UNC5D: variants seen among roughly 807,000 people sequenced by gnomAD.
UNC5D encodes netrin receptor UNC5D.
In UNC5D, 39 loss-of-function variants were observed where a neutral mutation model predicts 105.4. The ratio of observed to expected loss-of-function variants is 0.37; its 90% CI spans 0.29 to 0.48. The LOEUF is 0.48. UNC5D is among the 20% of genes least tolerant of loss of function. The probability of loss-of-function intolerance (pLI) is 0.98; values close to 1 mark genes in which losing one functional copy is unlikely to be tolerated. For synonymous variants in UNC5D, 452 were observed against 450.4 expected, an observed-to-expected ratio of 1.00 and a Z score of -0.04; for missense variants, 991 against 1,202.4, an observed-to-expected ratio of 0.82 and a Z score of 2.60.
At chr8:35,507,431 C>A (rs576992649) in intron 1 of UNC5D, among the ~76,000 whole-genome samples, 1 of 152,268 alleles carries the variant, frequency 6.6e-6, no homozygotes, top group African/African-American at 2.4e-5. Context: ...CCATTAGAGG[C>A]AGTTTATCTT....
At position 35,686,624 on chromosome 8, in the gene UNC5D, A is replaced by G. The variant is rs1826026803; in HGVS notation, c.999A>G (p.Thr333=). ...ECEHLRIREC[T]APPPRNGGKF... ...AACATTTGCGGATCCGGGAGTGCAC[A>G]GCACCACCCCCGAGAAATGGGGGCA... Residue 333 remains threonine (T), a synonymous_variant, in exon 7 of 17, where the codon ACA becomes ACG. Transcript: ENST00000404895. The G allele has an allele frequency of 1.2e-6, 2 of 1,608,718 alleles. No homozygotes were observed. Among genetic ancestry groups the G allele is most frequent in the South Asian group, 2.2e-5 (2 of 90,478 alleles).
intron 3 of UNC5D, among the ~76,000 whole-genome samples, chr8:35,571,443 C>G (rs1238033903): frequency 6.6e-6 from 1 of 151,928 alleles, no homozygotes; most frequent in East Asian, 1.9e-4. Flanking sequence ...TTATGCAAGT[C>G]AAGACATGAT....
At chr8:35,468,162 A>G (rs954482296) in intron 1 of UNC5D, among the ~76,000 whole-genome samples, 1 of 152,202 alleles carries the variant, frequency 6.6e-6, no homozygotes, top group Non-Finnish European at 1.5e-5. Context: ...TAGCCCGGTA[A>G]TGTGTTGGTC....
intron 16 of UNC5D, among the ~76,000 whole-genome samples, chr8:35,776,380 G>A (rs1266806935): frequency 1.3e-5 from 2 of 152,334 alleles, no homozygotes; most frequent in Non-Finnish European, 2.9e-5. Context: ...GCATGTACAT[G>A]TTCCTACCTT....
Position 35,787,108 on chromosome 8 carries a change from C to T in UNC5D, c.2658-3251C>T, listed in dbSNP as rs550164987. 2.4e-4 allele frequency among the ~76,000 whole-genome samples: 37 copies of T among 152,114 alleles called. 1 individual carries two copies. The highest frequency in any genetic ancestry group is 6.8e-3 in the Middle Eastern group (2 of 294). ...CAGCAACACGGACCACATGTGGCCCCGAAAACCAAAAACATTGACTATCTG... is the reference window on the plus strand; with the variant it reads ...CAGCAACACGGACCACATGTGGCCCTGAAAACCAAAAACATTGACTATCTG... On this transcript the variant is annotated intron_variant, in intron 16 of 16. Coordinates refer to ENST00000404895, the MANE Select transcript of UNC5D (RefSeq NM_080872.4).
At chr8:35,785,312 C>A (rs772551700) in intron 16 of UNC5D, among the ~76,000 whole-genome samples, 21 of 152,074 alleles carry the variant, frequency 1.4e-4, no homozygotes, top group Admixed American at 9.8e-4. Flanking sequence ...ATGTAAGCAG[C>A]AAAATAATTC....
intron 8 of UNC5D, among the ~76,000 whole-genome samples, chr8:35,717,920 C>T (rs1828347205): frequency 6.6e-6 from 1 of 152,152 alleles, no homozygotes; most frequent in South Asian, 2.1e-4. Flanking sequence ...CAAATGAACC[C>T]ACAAACATTT....
At chr8:35,271,328 C>T in intron 1 of UNC5D, among the ~76,000 whole-genome samples, 3 of 108,720 alleles carry the variant, frequency 2.8e-5, no homozygotes, top group African/African-American at 1.2e-4. Context: ...TATATGCATA[C>T]ACACGTGCAT....
intron 4 of UNC5D, among the ~76,000 whole-genome samples, chr8:35,653,523 G>A (rs1158863767): frequency 6.6e-6 from 1 of 152,154 alleles, no homozygotes; most frequent in Non-Finnish European, 1.5e-5. Flanking sequence ...ACCATACTGT[G>A]TCAGACCTTC....
chr8:35,735,861 T>C (rs548672997), intron 11 of UNC5D, among the ~76,000 whole-genome samples: 72 of 152,334 alleles, frequency 4.7e-4, no homozygotes, highest in African/African-American at 1.6e-3. Flanking sequence ...AGAAATGTCC[T>C]TGGACTATTT....
intron 4 of UNC5D, among the ~76,000 whole-genome samples, chr8:35,665,129 C>T (rs2131250530): frequency 6.6e-6 from 1 of 152,294 alleles, no homozygotes; most frequent in African/African-American, 2.4e-5. Context: ...GCCACTGTGC[C>T]CAGCCTTTCC....
intron 4 of UNC5D, among the ~76,000 whole-genome samples, chr8:35,618,102 A>G (rs1009824926): frequency 2.6e-5 from 4 of 152,186 alleles, no homozygotes; most frequent in Admixed American, 2.0e-4. Context: ...ATCACCTTCT[A>G]GAGGCAGCTC....
chr8:35,365,191 T>G (rs575650933), intron 1 of UNC5D, among the ~76,000 whole-genome samples: 1 of 152,266 alleles, frequency 6.6e-6, no homozygotes, highest in African/African-American at 2.4e-5. Flanking sequence ...ATTCTTACCA[T>G]TCCATTCCCA....
Position 35,722,553 on chromosome 8 carries a change from G to A in UNC5D, c.1303+158G>A, listed in dbSNP as rs573286320. Among the ~76,000 whole-genome samples, 18 of 152,318 alleles carry A rather than the reference G, an allele frequency of 1.2e-4. No individual in the cohort carries two copies. The South Asian group carries it at 3.7e-3, about 32-fold the overall frequency. ...ACATGAACAGACCGGGCTGGGTGAA[G>A]TGGTCTGCTTAGGTCCTTGTCTGCC... On this transcript the variant is annotated intron_variant, in intron 9 of 16. Transcript: ENST00000404895.
At chr8:35,535,393 C>G (rs141389825) in intron 1 of UNC5D, among the ~76,000 whole-genome samples, 50 of 151,514 alleles carry the variant, frequency 3.3e-4, no homozygotes, top group South Asian at 1.3e-3. Flanking sequence ...TAGTACTAAA[C>G]AGCTCAGATA....
intron 14 of UNC5D, among the ~76,000 whole-genome samples, chr8:35,765,720 C>T (rs189017797): frequency 4.5e-4 from 69 of 152,266 alleles, no homozygotes; most frequent in Non-Finnish European, 7.2e-4. Context: ...CAAAGGGAAC[C>T]GGTCATTTCA....
intron 1 of UNC5D, among the ~76,000 whole-genome samples, chr8:35,468,507 A>G (rs1435220901): frequency 6.6e-6 from 1 of 152,216 alleles, no homozygotes; most frequent in African/African-American, 2.4e-5. Context: ...TTGAATATTC[A>G]GTGCCTAGCT....
intron 2 of UNC5D, among the ~76,000 whole-genome samples, chr8:35,563,464 T>G (rs952825542): frequency 2.6e-5 from 4 of 152,058 alleles, no homozygotes; most frequent in Admixed American, 2.0e-4. Context: ...ATTTGTACAT[T>G]GATTTTGTAT....
intron 1 of UNC5D, among the ~76,000 whole-genome samples, chr8:35,419,377 C>A (rs1210720597): frequency 6.6e-6 from 1 of 152,184 alleles, no homozygotes; most frequent in Non-Finnish European, 1.5e-5. Context: ...GCACTACCAG[C>A]CCAGATTCCG....
Sources: gnomAD v4.1 joint callset for allele counts (sites outside exome capture counted in the v4.1 genomes callset) on GRCh38, gnomAD v4.1.1 for gene constraint, MANE v1.5 for transcripts, NCBI Gene and HGNC (gene_info 2026-07-23, HGNC 2026-07-21) for gene names.